Variants in MIPOL1 observed in about 807,000 individuals in gnomAD.
MIPOL1 encodes mirror-image polydactyly 1.
MIPOL1 carries 57 observed loss-of-function variants against 60.9 expected under a neutral mutation model. The observed-to-expected ratio is 0.94, with a 90% CI of 0.76 to 1.17. The LOEUF is 1.17. MIPOL1 is among the 50% of genes most tolerant of loss of function. The pLI, the probability that MIPOL1 is intolerant of heterozygous loss-of-function variation, is 0.00. For synonymous variants in MIPOL1, 179 were observed against 168.8 expected (o/e 1.06, Z -0.47); for missense variants, 551 against 511.6 (o/e 1.08, Z -0.74).
intron 9 of MIPOL1, among the ~76,000 whole-genome samples, chr14:37,308,866 A>G (rs1157200799): frequency 1.3e-5 from 2 of 152,048 alleles, no homozygotes; most frequent in African/African-American, 2.4e-5. Context: ...GGCTGAGACT[A>G]TGTCTATATT....
chr14:37,362,059 A>G (rs111655025), intron 9 of MIPOL1, among the ~76,000 whole-genome samples: 177 of 152,182 alleles, frequency 1.2e-3, no homozygotes, highest in Non-Finnish European at 2.1e-3. Context: ...TCTTGACTCT[A>G]TCCAATTTGC....
chr14:37,446,554 C>G (rs1302797332), intron 11 of MIPOL1, among the ~76,000 whole-genome samples: 2 of 142,470 alleles, frequency 1.4e-5, no homozygotes, highest in Admixed American at 7.0e-5. Context: ...TACCATTTGA[C>G]CCAGCCATCC....
intron 10 of MIPOL1, among the ~76,000 whole-genome samples, chr14:37,383,538 T>G (rs1189001389): frequency 6.6e-6 from 1 of 151,900 alleles, no homozygotes; most frequent in Admixed American, 6.6e-5. Context: ...TGGTCAGGTT[T>G]TAAGTCTGAG....
At chr14:37,249,689 A>G (rs1973777767) in intron 3 of MIPOL1, among the ~76,000 whole-genome samples, 1 of 152,134 alleles carries the variant, frequency 6.6e-6, no homozygotes, top group African/African-American at 2.4e-5. Flanking sequence ...TATATATTCA[A>G]GTTGTGGATA....
At chr14:37,536,690 C>A (rs2095507724) in intron 12 of MIPOL1, among the ~76,000 whole-genome samples, 1 of 151,984 alleles carries the variant, frequency 6.6e-6, no homozygotes, top group Non-Finnish European at 1.5e-5. Context: ...TTATTATTAC[C>A]AAATTATTTT....
At chr14:37,313,862 G>A (rs1007687821) in intron 9 of MIPOL1, among the ~76,000 whole-genome samples, 3 of 152,088 alleles carry the variant, frequency 2.0e-5, no homozygotes, top group Admixed American at 6.6e-5. Flanking sequence ...GCACAGCAAG[G>A]CAAAGCAGAA....
At chr14:37,243,662 G>A (rs963805479) in intron 1 of MIPOL1, among the ~76,000 whole-genome samples, 5 of 152,118 alleles carry the variant, frequency 3.3e-5, no homozygotes, top group African/African-American at 4.8e-5. Flanking sequence ...AGCTGAAAAC[G>A]TTTGCTAAAG....
At chr14:37,468,728 C>T (rs1004451277) in intron 11 of MIPOL1, among the ~76,000 whole-genome samples, 5 of 152,038 alleles carry the variant, frequency 3.3e-5, no homozygotes, top group East Asian at 3.9e-4. Context: ...ACTCTTTATC[C>T]GGTTGAAAGG....
intron 12 of MIPOL1, among the ~76,000 whole-genome samples, chr14:37,529,794 T>G (rs1298814505): frequency 6.6e-6 from 1 of 152,130 alleles, no homozygotes; most frequent in Non-Finnish European, 1.5e-5. Context: ...TGAGAGGAGC[T>G]GCAGAGAGGT....
intron 9 of MIPOL1, among the ~76,000 whole-genome samples, chr14:37,349,937 A>G (rs1028708476): frequency 3.9e-5 from 6 of 152,224 alleles, no homozygotes; most frequent in African/African-American, 1.4e-4. Flanking sequence ...AAGAATGGTG[A>G]TATTTAAGCA....
chr14:37,391,304 A>G (rs920713979), intron 10 of MIPOL1, among the ~76,000 whole-genome samples: 15 of 147,508 alleles, frequency 1.0e-4, no homozygotes, highest in African/African-American at 3.4e-4. Context: ...GGAAAATGAT[A>G]CCAAACACAA....
Position 37,497,189 on chromosome 14 carries a change from C to T in MIPOL1, c.1032-2719C>T, listed in dbSNP as rs535130342. On this transcript the variant is annotated intron_variant, in intron 11 of 12. Coordinates refer to ENST00000684589, the MANE Select transcript of MIPOL1 (RefSeq NM_001388067.1). ...AACGGTAGACCTAAAACCATAAAAA[C>T]CCTAGAAGAAAACCTAGGCATCACC... Among the ~76,000 whole-genome samples, 215 of 152,270 alleles carry T rather than the reference C, an allele frequency of 1.4e-3. 2 individuals are homozygous for T. The highest frequency in any genetic ancestry group is 0.012 in the Admixed American group (178 of 15,296).
chr14:37,455,324 C>G (rs1460589627), intron 11 of MIPOL1, among the ~76,000 whole-genome samples: 1 of 152,046 alleles, frequency 6.6e-6, no homozygotes, highest in East Asian at 1.9e-4. Flanking sequence ...AGAAATAGCT[C>G]CCTAAATAAT....
intron 9 of MIPOL1, 102 bp downstream of exon 9, chr14:37,308,621 T>A: frequency 1.3e-6 from 1 of 779,816 alleles, no homozygotes; most frequent in African/African-American, 1.8e-5. Context: ...TAATTCACAT[T>A]AATTTTTAGC....
chr14:37,548,833 C>T lies in MIPOL1; in HGVS notation c.*1862C>T, dbSNP rs564383943. The T allele has an allele frequency of 1.4e-3, 215 of 152,002 alleles. 1 individual carries two copies. Among genetic ancestry groups the T allele is most frequent in the African/African-American group, 4.0e-3 (166 of 41,540 alleles). 9.4% of individuals were successfully genotyped at this position (152,002 alleles called of 1,614,324 possible). On this transcript the variant is annotated 3_prime_UTR_variant, in exon 13 of 13. Coordinates refer to ENST00000684589, the MANE Select transcript of MIPOL1 (RefSeq NM_001388067.1). Reference sequence around the variant, plus strand: ...CACAATTTCCAAACAAATCTTTCTACGCTTAAATGATCAAATTAGAAAAAC... The same window carrying T: ...CACAATTTCCAAACAAATCTTTCTATGCTTAAATGATCAAATTAGAAAAAC...
intron 3 of MIPOL1, among the ~76,000 whole-genome samples, chr14:37,256,151 A>C (rs977219706): frequency 6.6e-6 from 1 of 151,952 alleles, no homozygotes; most frequent in Non-Finnish European, 1.5e-5. Flanking sequence ...TTCAAGCACA[A>C]GATACCATTA....
At chr14:37,475,868 A>G (rs993838952) in intron 11 of MIPOL1, among the ~76,000 whole-genome samples, 4 of 152,130 alleles carry the variant, frequency 2.6e-5, no homozygotes, top group Admixed American at 6.5e-5. Flanking sequence ...CAGTCCTCCA[A>G]TATTGTTCTC....
intron 1 of MIPOL1, among the ~76,000 whole-genome samples, chr14:37,213,917 CAT>C (rs1411266252): frequency 1.3e-5 from 2 of 150,822 alleles, no homozygotes; most frequent in African/African-American, 5.0e-5. Context: ...AGTGTCATGA[CAT>C]ATTTAAAGTG....
intron 10 of MIPOL1, among the ~76,000 whole-genome samples, chr14:37,413,318 C>T (rs371705461): frequency 1.3e-5 from 2 of 152,002 alleles, no homozygotes; most frequent in East Asian, 3.9e-4. Context: ...AAAAAGAACT[C>T]CATAAAGAAA....
Sources: gnomAD v4.1 joint callset for allele counts (sites outside exome capture counted in the v4.1 genomes callset) on GRCh38, gnomAD v4.1.1 for gene constraint, MANE v1.5 for transcripts, NCBI Gene and HGNC (gene_info 2026-07-23, HGNC 2026-07-21) for gene names.